ITFG2: variants seen among roughly 807,000 people sequenced by gnomAD.
ITFG2 encodes integrin alpha FG-GAP repeat containing 2, also known as KICSTOR complex protein ITFG2.
In ITFG2, 36 loss-of-function variants were observed where a neutral mutation model predicts 54.4. That is an observed-to-expected ratio of 0.66 (90% CI 0.51 to 0.87). The LOEUF (loss-of-function observed/expected upper bound fraction) is 0.87. Ranked by LOEUF, ITFG2 falls within the 40% of genes least tolerant of loss-of-function variation. The probability of loss-of-function intolerance (pLI) is 0.00; values close to 1 mark genes in which losing one functional copy is unlikely to be tolerated. For synonymous variants in ITFG2, 211 were observed against 225.4 expected, an observed-to-expected ratio of 0.94 and a Z score of 0.57; for missense variants, 524 against 576.7, an observed-to-expected ratio of 0.91 and a Z score of 0.94.
chr12:2,847,442 C>T (rs754900815), intron 2 of ITFG2, among the ~76,000 whole-genome samples: 15 of 151,880 alleles, frequency 9.9e-5, no homozygotes, highest in South Asian at 2.1e-4. Flanking sequence ...CCGAGGTGGG[C>T]GGATCACAAG....
At chr12:2,822,345 A>C (rs1565416426) in intron 9 of ITFG2, among the ~76,000 whole-genome samples, 1 of 152,214 alleles carries the variant, frequency 6.6e-6, no homozygotes, top group Non-Finnish European at 1.5e-5. Flanking sequence ...CAGAAGTAGT[A>C]GCCCCAAAGA....
At chr12:2,847,386 C>T (rs889924585) in intron 2 of ITFG2, among the ~76,000 whole-genome samples, 2 of 152,170 alleles carry the variant, frequency 1.3e-5, no homozygotes, top group Admixed American at 6.5e-5. Context: ...CGGCCAGACG[C>T]GGTGGCTCAC....
upstream of ITFG2, among the ~76,000 whole-genome samples, chr12:2,834,000 GC>G (rs1312719317): frequency 5.9e-5 from 9 of 152,142 alleles, no homozygotes; most frequent in Non-Finnish European, 1.0e-4. Context: ...GTTTTCCGCC[GC>G]CCACTCACAT....
chr12:2,820,496 T>C (rs549100129), intron 5 of ITFG2, among the ~76,000 whole-genome samples: 1 of 152,106 alleles, frequency 6.6e-6, no homozygotes, highest in South Asian at 2.1e-4. Context: ...AGCTGGGACA[T>C]GCACAGGGGA....
chr12:2,826,890 G>T, downstream of ITFG2: 3 of 897,480 alleles, frequency 3.3e-6, no homozygotes, highest in African/African-American at 1.8e-5. Flanking sequence ...CTTCGACCCA[G>T]CCCAAGCAGG....
At position 2,859,347 on chromosome 12, in the gene ITFG2, G is replaced by A. The variant is rs969310120; in HGVS notation, n.621-187G>A. On this transcript the variant is annotated intron_variant and non_coding_transcript_variant, in intron 3 of 3. Coordinates refer to the ITFG2 transcript ENST00000537710. Reference sequence around the variant, plus strand: ...CCTGTGTTGAATCACAAGCATTTCCGAGACACACCGGGTTGGGGACCTAAG... The same window carrying A: ...CCTGTGTTGAATCACAAGCATTTCCAAGACACACCGGGTTGGGGACCTAAG... The A allele has an allele frequency of 4.3e-6, 7 of 1,613,528 alleles. No individual in the cohort carries two copies. The highest frequency in any genetic ancestry group is 2.7e-5 in the African/African-American group (2 of 74,844).
chr12:2,812,842 G>C lies in ITFG2; in HGVS notation c.82G>C (p.Val28Leu). 1 of 1,612,096 alleles carries C rather than the reference G, an allele frequency of 6.2e-7. No individual in the cohort carries two copies. The highest frequency in any genetic ancestry group is 8.5e-7 in the Non-Finnish European group (1 of 1,178,728). ...CCCGCACGCAATCTGCCTCGGAGACGTTGATAACGATACGGTAGGTGCATG... is the reference window on the plus strand; with the variant it reads ...CCCGCACGCAATCTGCCTCGGAGACCTTGATAACGATACGGTAGGTGCATG... The part of the protein sequence containing the change: ...LFPHAICLGD[V>L]DNDTLNELVV... The change falls in exon 1 of 12, where the codon GTT becomes CTT. Residue 28 changes from valine to leucine, a missense_variant. By Grantham distance (32) the Val-to-Leu change is conservative. Coordinates refer to ENST00000228799, the MANE Select transcript of ITFG2 (RefSeq NM_018463.4).
downstream of ITFG2, chr12:2,827,306 G>T: frequency 6.2e-7 from 1 of 1,611,588 alleles, no homozygotes. This position sits in a 1 kb window ranked among gnomAD's most constrained non-coding sequence, Gnocchi z 4.0. Context: ...AGCACTGCGG[G>T]GTGTAGAGCA....
At chr12:2,818,655 C>A in intron 4 of ITFG2, 1 of 253,080 alleles carries the variant, frequency 4.0e-6, no homozygotes, top group Non-Finnish European at 7.8e-6. Flanking sequence ...GACCCTGTCT[C>A]TATTTAAAAA....
At chr12:2,842,319 C>T (rs897230160) in intron 2 of ITFG2, among the ~76,000 whole-genome samples, 16 of 150,644 alleles carry the variant, frequency 1.1e-4, no homozygotes, top group Middle Eastern at 3.5e-3. Flanking sequence ...GACAGAGTTT[C>T]ACCATATTAG....
intron 2 of ITFG2, chr12:2,857,146 T>C: frequency 1.4e-6 from 1 of 696,570 alleles, no homozygotes; most frequent in Non-Finnish European, 2.6e-6. Context: ...GAAGAGGCCC[T>C]CACCTGTCCC....
At chr12:2,827,381 C>G, downstream of ITFG2, 1 of 1,532,254 alleles carries the variant, frequency 6.5e-7, no homozygotes. This position sits in a 1 kb window ranked among gnomAD's most constrained non-coding sequence, Gnocchi z 4.0. Flanking sequence ...CCCCCTCCCA[C>G]TTCCCACAGC....
chr12:2,826,822 AG>A, downstream of ITFG2: 5 of 275,122 alleles, frequency 1.8e-5, no homozygotes, highest in South Asian at 8.4e-5. Flanking sequence ...TGGTGTGGGA[AG>A]TTGAGTTGTG....
At chr12:2,837,266 A>G (rs1256677585) in intron 1 of ITFG2, among the ~76,000 whole-genome samples, 1 of 151,674 alleles carries the variant, frequency 6.6e-6, no homozygotes, top group Non-Finnish European at 1.5e-5. Flanking sequence ...TCACGAGGTC[A>G]GGAGACCGAG....
In ITFG2 at chr12:2,821,326, G is replaced by A. The variant is rs1407587582; in HGVS notation, c.760G>A (p.Val254Ile). The change falls in exon 7 of 12, where the codon GTC becomes ATC. Residue 254 changes from valine (V) to isoleucine (I), a missense_variant. Transcript: ENST00000228799. ...QTSGRIHNKN[V>I]STHLIGNIKQ... is the part of the protein sequence containing the mutation. ...ATCTGGCCGTATCCACAACAAGAAT[G>A]TCTCCACTCACCTAATTGGCAACAT... 6 of 1,609,616 alleles carry A rather than the reference G, an allele frequency of 3.7e-6. No homozygotes were observed. In the East Asian group the frequency reaches 1.3e-4, roughly 36 times the overall value.
chr12:2,819,757 GAA>G (rs112425431), intron 4 of ITFG2: 299 of 180,962 alleles, frequency 1.7e-3, no homozygotes, highest in Middle Eastern at 6.6e-3. Context: ...AACATTTGGT[GAA>G]AAAAAAAAAA....
Position 2,856,002 on chromosome 12 carries a change from A to G in ITFG2, n.301-2010A>G, listed in dbSNP as rs557802815. Among the ~76,000 whole-genome samples, 141 of 152,276 alleles carry G rather than the reference A, an allele frequency of 9.3e-4. 1 individual carries two copies. Among genetic ancestry groups the G allele is most frequent in the African/African-American group, 3.3e-3 (136 of 41,560 alleles). The stretch of plus-strand genomic sequence containing the variant: ...CCACTCCTCATTAAAACGCTAGTAT[A>G]GAAAGCATCTAGAATGGCAGCTCCT... On this transcript the variant is annotated intron_variant and non_coding_transcript_variant, in intron 2 of 3. Coordinates refer to the ITFG2 transcript ENST00000537710.
At chr12:2,818,085 C>CTATA in intron 3 of ITFG2, 21 bp from the exon 4 acceptor site, 7 of 1,613,362 alleles carry the variant, frequency 4.3e-6, no homozygotes, top group Non-Finnish European at 5.9e-6. Context: ...TCCATCTCTA[C>CTATA]TATACCTCTG....
intron 2 of ITFG2, among the ~76,000 whole-genome samples, chr12:2,856,802 T>C (rs2098088751): frequency 6.6e-6 from 1 of 152,190 alleles, no homozygotes. Flanking sequence ...GAGCTCTGGG[T>C]TCCTAGTGTC....
Sources: allele counts gnomAD v4.1 joint callset (sites outside exome capture counted in the v4.1 genomes callset), GRCh38; gene constraint gnomAD v4.1.1; non-coding constraint Gnocchi (gnomAD v3.1); transcripts MANE v1.5; gene names NCBI Gene and HGNC (gene_info 2026-07-23, HGNC 2026-07-21).